Variants in STAP1 observed in about 807,000 individuals in gnomAD.
STAP1 encodes signal-transducing adaptor protein 1.
In STAP1, 30 loss-of-function variants were observed where a neutral mutation model predicts 37.8. The ratio of observed to expected loss-of-function variants is 0.79; its 90% CI spans 0.59 to 1.08. The LOEUF (loss-of-function observed/expected upper bound fraction) is 1.08, where lower values mean the gene tolerates loss of function less well. Ranked by LOEUF, STAP1 falls within the 50% of genes least tolerant of loss-of-function variation. STAP1 has a pLI of 0.00. For missense variants in STAP1, 357 were observed against 349.4 expected (o/e 1.02, Z -0.17); for synonymous variants, 130 against 116.0 (o/e 1.12, Z -0.78).
intron 8 of STAP1, among the ~76,000 whole-genome samples, chr4:67,594,088 T>G (rs973820498): frequency 1.3e-5 from 2 of 152,196 alleles, no homozygotes; most frequent in Admixed American, 1.3e-4. Flanking sequence ...TCTCTCTATC[T>G]TATGCAACAG....
chr4:67,560,801 A>G (rs1480804915), intron 1 of STAP1, among the ~76,000 whole-genome samples: 1 of 152,050 alleles, frequency 6.6e-6, no homozygotes, highest in Non-Finnish European at 1.5e-5. Flanking sequence ...ACAAGCGCAT[A>G]CCACACCCGG....
chr4:67,569,049 G>C (rs1727539287), intron 1 of STAP1, among the ~76,000 whole-genome samples: 1 of 152,140 alleles, frequency 6.6e-6, no homozygotes. Context: ...ACATCACGGA[G>C]TATACTTATG....
intron 4 of STAP1, among the ~76,000 whole-genome samples, chr4:67,580,347 C>CT (rs1727823866): frequency 6.6e-6 from 1 of 151,830 alleles, no homozygotes; most frequent in South Asian, 2.1e-4. Context: ...GTCTCTAAGC[C>CT]TTTTTTATTG....
intron 6 of STAP1, among the ~76,000 whole-genome samples, chr4:67,584,532 C>A (rs571159989): frequency 6.6e-6 from 1 of 152,078 alleles, no homozygotes; most frequent in Non-Finnish European, 1.5e-5. Context: ...ACAAAGGGAG[C>A]ACATTTTTAT....
chr4:67,601,280 TTTTAAA>T (rs1353200218), intron 8 of STAP1, among the ~76,000 whole-genome samples: 1 of 152,214 alleles, frequency 6.6e-6, no homozygotes, highest in Non-Finnish European at 1.5e-5. Context: ...GTACCCACAC[TTTTAAA>T]TTTGTTATTT....
At chr4:67,560,259 G>T (rs1052437720) in intron 1 of STAP1, among the ~76,000 whole-genome samples, 1 of 152,126 alleles carries the variant, frequency 6.6e-6, no homozygotes, top group Non-Finnish European at 1.5e-5. Context: ...GCCACTTATA[G>T]CTTGTGATCT....
chr4:67,581,218 C>T (rs1727847063), intron 4 of STAP1, 87 bp from the exon 5 acceptor site: 1 of 1,301,412 alleles, frequency 7.7e-7, no homozygotes, highest in South Asian at 1.5e-5. Context: ...AACTGTAGCC[C>T]TATAGGACCA....
At chr4:67,588,825 C>T (rs1018558308) in intron 6 of STAP1, among the ~76,000 whole-genome samples, 2 of 152,162 alleles carry the variant, frequency 1.3e-5, no homozygotes, top group Non-Finnish European at 2.9e-5. Flanking sequence ...AACTTTGAGA[C>T]AGACAGTATT....
chr4:67,560,825 T>A (rs1294519704), intron 1 of STAP1, among the ~76,000 whole-genome samples: 1 of 152,190 alleles, frequency 6.6e-6, no homozygotes. Flanking sequence ...ACGTTTGTAT[T>A]GTTTATAGAG....
rs575858699 is a variant in STAP1, at chr4:67,571,137, C to G, written c.174C>G (p.Thr58=). ...GAGGAACTACTCTTTTCTTTTATAC[C>G]GACAAAAAGAGTATAATAGTAAGTA... ...ELRGTTLFFY[T]DKKSIIYVDK... The change falls in exon 2 of 9, where the codon ACC becomes ACG. Residue 58 remains threonine, a synonymous_variant. Coordinates refer to ENST00000265404, the MANE Select transcript of STAP1 (RefSeq NM_012108.4). The G allele has an allele frequency of 6.2e-7, 1 of 1,608,068 alleles. No homozygotes were observed. The highest frequency in any genetic ancestry group is 1.3e-5 in the African/African-American group (1 of 74,812).
chr4:67,586,091 C>T, intron 6 of STAP1, among the ~76,000 whole-genome samples: 1 of 151,942 alleles, frequency 6.6e-6, no homozygotes, highest in East Asian at 1.9e-4. Context: ...GTGGTTGATA[C>T]ATTTACACGT....
chr4:67,602,533 C>T (rs548344788), intron 8 of STAP1, among the ~76,000 whole-genome samples: 3 of 152,268 alleles, frequency 2.0e-5, no homozygotes, highest in African/African-American at 4.8e-5. Context: ...TGATCTAAGT[C>T]GTTGGTCACT....
intron 7 of STAP1, among the ~76,000 whole-genome samples, chr4:67,593,057 GGT>G (rs1728153873): frequency 1.3e-5 from 2 of 152,160 alleles, no homozygotes; most frequent in African/African-American, 4.8e-5. Flanking sequence ...CAATGGGAAA[GGT>G]GGTAATTCCT....
Position 67,570,971 on chromosome 4 carries a change from A to G in STAP1, c.121-113A>G, listed in dbSNP as rs189603085. ...ATAAAAATTAGAATTATCCAGGATA[A>G]AGAAGACTTCTTATATCACACAAGC... On this transcript the variant is annotated intron_variant, in intron 1 of 8. Coordinates refer to ENST00000265404, the MANE Select transcript of STAP1 (RefSeq NM_012108.4). 1.0e-3 allele frequency: 894 copies of G among 856,804 alleles called. 8 individuals are homozygous for G. Among genetic ancestry groups the G allele is most frequent in the African/African-American group, 3.4e-3 (196 of 57,686 alleles). The allele number at this position is 856,804 out of a possible 1,614,324, so 53.1% of individuals were successfully genotyped here.
chr4:67,600,880 G>A (rs991900896), intron 8 of STAP1, among the ~76,000 whole-genome samples: 1 of 152,056 alleles, frequency 6.6e-6, no homozygotes, highest in Non-Finnish European at 1.5e-5. Flanking sequence ...CGTGAAGTAT[G>A]TTTCTTGTAG....
At chr4:67,592,022 A>C (rs1420125182) in intron 7 of STAP1, among the ~76,000 whole-genome samples, 1 of 152,222 alleles carries the variant, frequency 6.6e-6, no homozygotes, top group East Asian at 1.9e-4. Context: ...TCATTAGCTC[A>C]TACAGTCTAC....
chr4:67,587,783 C>T (rs1273362856), intron 6 of STAP1, among the ~76,000 whole-genome samples: 5 of 146,656 alleles, frequency 3.4e-5, no homozygotes, highest in Non-Finnish European at 5.9e-5. Flanking sequence ...TTCAATGGCG[C>T]GATCTCAGCT....
rs752392146 is a variant in STAP1 at position 67,581,471 on chromosome 4, C to T, written c.530C>T (p.Ala177Val). The change falls in exon 5 of 9, where the codon GCA (alanine) becomes GTA (valine). Residue 177 changes from alanine to valine, a missense_variant and splice_region_variant. By Grantham distance (64) the Ala-to-Val change is moderately conservative. Coordinates refer to ENST00000265404, the MANE Select transcript of STAP1 (RefSeq NM_012108.4). ...DYVDVLNPMP[A>V]CFYTVSRKEA... ...GTGGATGTACTGAACCCTATGCCAG[C>T]GTAAGTGCACAATGAACTGCAGTTT... 38 of 1,600,898 alleles carry T rather than the reference C, an allele frequency of 2.4e-5. No homozygotes were observed. The highest frequency in any genetic ancestry group is 4.5e-5 in the South Asian group (4 of 88,340).
Position 67,581,445 on chromosome 4 carries a change from T to C in STAP1, c.504T>C (p.Tyr168=), listed in dbSNP as rs969924973. ...AAGAGAAGGAACCAACTGAAGATTA[T>C]GTGGATGTACTGAACCCTATGCCAG... ...VEKEKEPTED[Y]VDVLNPMPAC... is the part of the protein sequence containing the mutation. Residue 168 remains tyrosine, a synonymous_variant, in exon 5 of 9, where the codon TAT becomes TAC. Transcript: ENST00000265404. 4.3e-6 allele frequency: 7 copies of C among 1,613,800 alleles called. No homozygotes were observed. Among genetic ancestry groups the C allele is most frequent in the East Asian group, 2.2e-5 (1 of 44,886 alleles).
Sources: allele counts gnomAD v4.1 joint callset (sites outside exome capture counted in the v4.1 genomes callset), GRCh38; gene constraint gnomAD v4.1.1; transcripts MANE v1.5; gene names NCBI Gene and HGNC (gene_info 2026-07-23, HGNC 2026-07-21).